CDK10: variants seen among roughly 807,000 people sequenced by gnomAD.
The protein encoded by CDK10 is cyclin-dependent kinase 10.
CDK10 carries 55 observed loss-of-function variants against 51.0 expected under a neutral mutation model. The ratio of observed to expected loss-of-function variants is 1.08; its 90% CI spans 0.87 to 1.35. The LOEUF (loss-of-function observed/expected upper bound fraction) is 1.35. CDK10 is among the 40% of genes most tolerant of loss of function. The pLI, the probability that CDK10 is intolerant of heterozygous loss-of-function variation, is 0.00. For synonymous variants in CDK10, 255 were observed against 199.1 expected, an observed-to-expected ratio of 1.28 and a Z score of -2.36; for missense variants, 589 against 485.1, an observed-to-expected ratio of 1.21 and a Z score of -2.01.
At chr16:89,691,742 G>A in intron 4 of CDK10, 64 bp from the exon 5 acceptor site, 3 of 1,492,662 alleles carry the variant, frequency 2.0e-6, no homozygotes, top group Non-Finnish European at 2.8e-6. Flanking sequence ...TGCAGCAGGG[G>A]AGGCTCCACT....
chr16:89,692,843 A>G (rs1249465929), intron 6 of CDK10, among the ~76,000 whole-genome samples: 1 of 151,824 alleles, frequency 6.6e-6, no homozygotes, highest in East Asian at 1.9e-4. Context: ...AAAAAAAAAT[A>G]ATAAAGATAC....
At chr16:89,688,629 G>C (rs893235230) in intron 1 of CDK10, among the ~76,000 whole-genome samples, 4 of 152,174 alleles carry the variant, frequency 2.6e-5, no homozygotes, top group Non-Finnish European at 5.9e-5. Context: ...TCCAAGGCCA[G>C]ATGCCACTGG....
intron 2 of CDK10, 22 bp downstream of exon 2, chr16:89,689,346 A>C (rs202197066): frequency 6.9e-6 from 11 of 1,604,270 alleles, no homozygotes; most frequent in Non-Finnish European, 9.4e-6. Context: ...AGGCTAGGAC[A>C]TGTGGCCGCA....
Position 89,694,819 on chromosome 16 carries a change from G to A in CDK10, c.792+31G>A, listed in dbSNP as rs1472192880. The A allele has an allele frequency of 7.5e-6, 9 of 1,205,878 alleles. No individual in the cohort carries two copies. The African/African-American group carries it at 8.4e-5, about 11-fold the overall frequency. The allele number at this position is 1,205,878 out of a possible 1,614,324, so 74.7% of individuals were successfully genotyped here. On this transcript the variant is annotated intron_variant, in intron 10 of 12. Coordinates refer to ENST00000353379, the MANE Select transcript of CDK10 (RefSeq NM_052988.5). ...CGTCCTGGGCAGACCCGCAGCCCCC[G>A]CCCGTGCCCACGCCCTCTGCGCCCG...
At position 89,691,561 on chromosome 16, in the gene CDK10, G is replaced by A. The variant is rs533676978; in HGVS notation, c.335+16G>A. On this transcript the variant is annotated intron_variant, in intron 4 of 12. Coordinates refer to ENST00000353379, the MANE Select transcript of CDK10 (RefSeq NM_052988.5). ...ACCTGGAGAGGTACGTGGTCTCCTGGTCTGCACATTGGGCCCTAGGGAGCA... is the reference window on the plus strand; with the variant it reads ...ACCTGGAGAGGTACGTGGTCTCCTGATCTGCACATTGGGCCCTAGGGAGCA... The A allele has an allele frequency of 2.5e-4, 396 of 1,600,950 alleles. 6 individuals carry two copies. The South Asian group carries it at 4.3e-3, about 17-fold the overall frequency.
Position 89,694,856 on chromosome 16 carries a change from CGT to C in CDK10, c.792+70_792+71del, listed in dbSNP as rs1333404100. On this transcript the variant is annotated intron_variant, in intron 10 of 12. Coordinates refer to ENST00000353379, the MANE Select transcript of CDK10 (RefSeq NM_052988.5). ...GCCCTCTGCGCCCGCAGCCCCCGCCCGTGCCCACGCCCTCTGCGCCCGCAGCC... is the reference window on the plus strand; with the variant it reads ...GCCCTCTGCGCCCGCAGCCCCCGCCCGCCCACGCCCTCTGCGCCCGCAGCC... The C allele has an allele frequency of 1.1e-4, 170 of 1,537,488 alleles. No individual in the cohort carries two copies. The African/African-American group carries it at 2.1e-3, about 19-fold the overall frequency.
chr16:89,693,169 A>G, intron 6 of CDK10, 105 bp from the exon 7 acceptor site: 1 of 991,156 alleles, frequency 1.0e-6, no homozygotes, highest in East Asian at 2.4e-5. Flanking sequence ...TAAAAAGCCC[A>G]AAGCTGAGGA....
At position 89,693,197 on chromosome 16, in the gene CDK10, C is replaced by T. The variant is rs116778816; in HGVS notation, c.486-77C>T. On this transcript the variant is annotated intron_variant, in intron 6 of 12. Coordinates refer to ENST00000353379, the MANE Select transcript of CDK10 (RefSeq NM_052988.5). The stretch of plus-strand genomic sequence containing the variant: ...GCTGAGGAAACGTGCAGGAAGTCTA[C>T]GGGCATTGGTGCCGTGGGGGAGCTC... 483 of 1,272,020 alleles carry T rather than the reference C, an allele frequency of 3.8e-4. 3 individuals are homozygous for T. In the African/African-American group the frequency reaches 5.9e-3, roughly 16 times the overall value. 78.8% of individuals were successfully genotyped at this position (1,272,020 alleles called of 1,614,324 possible).
At position 89,690,535 on chromosome 16, in the gene CDK10, A is replaced by T. The variant is rs1228320703; in HGVS notation, c.161-18A>T. ...GGGGCATCGAGATGATGTCATCACC[A>T]ATGTGTTTCCATTCCAGATCGGGCC... On this transcript the variant is annotated intron_variant, in intron 2 of 12. Transcript: ENST00000353379. 1 of 1,611,828 alleles carries T rather than the reference A, an allele frequency of 6.2e-7. No individual in the cohort carries two copies. Among genetic ancestry groups the T allele is most frequent in the African/African-American group, 1.3e-5 (1 of 74,882 alleles).
Position 89,686,775 on chromosome 16 carries a change from T to A in CDK10, c.65T>A (p.Phe22Tyr). 1 of 1,612,124 alleles carries A rather than the reference T, an allele frequency of 6.2e-7. No homozygotes were observed. The highest frequency in any genetic ancestry group is 8.5e-7 in the Non-Finnish European group (1 of 1,179,026). The change falls in exon 1 of 13, where the codon TTC becomes TAC. Residue 22 changes from phenylalanine (F) to tyrosine (Y), a missense_variant. Phe to Tyr is a conservative substitution (Grantham distance 22). Transcript: ENST00000353379. ...AAGTGTATTCGTAAGGAGGGCTTCT[T>A]CACGGTGCCTCCGGAACACAGGGTG... ...RLKCIRKEGFFTVPPEHRLGR... is the reference protein window; with the variant it reads ...RLKCIRKEGFYTVPPEHRLGR...
At chr16:89,687,170 G>A in intron 1 of CDK10, 1 of 217,838 alleles carries the variant, frequency 4.6e-6, no homozygotes, top group Non-Finnish European at 9.4e-6. Flanking sequence ...CACCCGCGAC[G>A]AGTTCGAGCT....
At chr16:89,692,032 A>G in intron 5 of CDK10, 145 bp downstream of exon 5, 2 of 691,226 alleles carry the variant, frequency 2.9e-6, no homozygotes, top group East Asian at 5.4e-5. Context: ...AGCTTCAGTG[A>G]GGTGGAATTC....
intron 4 of CDK10, 38 bp downstream of exon 4, chr16:89,691,583 A>C: frequency 6.5e-7 from 1 of 1,537,672 alleles, no homozygotes; most frequent in Non-Finnish European, 9.0e-7. Context: ...GGCCCTAGGG[A>C]GCATGTGTCT....
chr16:89,693,303 C>T lies in CDK10; in HGVS notation c.515C>T (p.Thr172Ile), dbSNP rs1375172722. Residue 172 changes from threonine to isoleucine, a missense_variant, in exon 7 of 13, where the codon ACC becomes ATC. By Grantham distance (89) the Thr-to-Ile change is moderately conservative. Transcript: ENST00000353379. ...CTGAAGGTTTCCAACTTGCTCATGA[C>T]CGACAAGGGTTGTGTGAAGACAGGT... The part of the protein sequence containing the change: ...RDLKVSNLLM[T>I]DKGCVKTADF... The T allele has an allele frequency of 6.2e-7, 1 of 1,614,046 alleles. No individual in the cohort carries two copies. The highest frequency in any genetic ancestry group is 8.5e-7 in the Non-Finnish European group (1 of 1,180,036).
Position 89,695,862 on chromosome 16 carries a change from C to T in CDK10, c.*170C>T. ...ACTGTCTGCCCTGAACCCACTGCTG[C>T]CCCCAGAAAAAGGCCGGGTGACACC... On this transcript the variant is annotated 3_prime_UTR_variant, in exon 13 of 13. Transcript: ENST00000353379. 1 of 1,469,452 alleles carries T rather than the reference C, an allele frequency of 6.8e-7. No individual in the cohort carries two copies. The highest frequency in any genetic ancestry group is 9.2e-7 in the Non-Finnish European group (1 of 1,086,104). The allele number at this position is 1,469,452 out of a possible 1,614,324, so 91.0% of individuals were successfully genotyped here.
chr16:89,694,565 G>T, intron 9 of CDK10, 100 bp from the exon 10 acceptor site: 1 of 1,532,168 alleles, frequency 6.5e-7, no homozygotes, highest in African/African-American at 1.4e-5. Context: ...CCTCACACTG[G>T]CAGGGTCAGC....
At chr16:89,695,216 A>G in intron 11 of CDK10, 77 bp from the exon 12 acceptor site, 1 of 1,546,888 alleles carries the variant, frequency 6.5e-7, no homozygotes, top group Non-Finnish European at 8.8e-7. Flanking sequence ...GAGCATTTGA[A>G]TCACAGGCTG....
At chr16:89,689,435 C>G (rs1298942306) in intron 2 of CDK10, 111 bp downstream of exon 2, 3 of 874,546 alleles carry the variant, frequency 3.4e-6, no homozygotes, top group Admixed American at 1.9e-5. Flanking sequence ...AGACCCTGTG[C>G]TCTGAAACAG....
intron 12 of CDK10, 79 bp from the exon 13 acceptor site, chr16:89,695,516 C>A: frequency 2.0e-6 from 3 of 1,517,304 alleles, no homozygotes; most frequent in East Asian, 4.8e-5. Context: ...GGTCCAGAGG[C>A]AGAGCTGGAC....
Sources: allele counts gnomAD v4.1 joint callset (sites outside exome capture counted in the v4.1 genomes callset), GRCh38; gene constraint gnomAD v4.1.1; transcripts MANE v1.5; gene names NCBI Gene and HGNC (gene_info 2026-07-23, HGNC 2026-07-21).